Variants in OPHN1 observed in about 807,000 individuals in gnomAD.
The protein encoded by OPHN1 is oligophrenin-1.
Under a neutral mutation model 60.7 loss-of-function variants are expected in OPHN1, and 11 were observed. The ratio of observed to expected loss-of-function variants is 0.18; its 90% confidence interval spans 0.11 to 0.30. OPHN1 has a LOEUF of 0.30. Among genes scored for constraint, OPHN1 ranks in the 10% least tolerant of loss-of-function variants. The pLI is 1.00. For synonymous variants in OPHN1, 226 were observed against 222.6 expected, an observed-to-expected ratio of 1.02 and a Z score of -0.14; for missense variants, 449 against 611.0, an observed-to-expected ratio of 0.73 and a Z score of 2.80.
At chrX:68,192,848 T>C in intron 15 of OPHN1, 71 bp downstream of exon 15, 1 of 862,103 alleles carries the variant, frequency 1.2e-6, no homozygotes, top group East Asian at 3.1e-5. Context: ...GTGTCTCCTT[T>C]CTCTTCCAGT....
chrX:68,428,001 G>C (rs2078868102), intron 2 of OPHN1, among the ~76,000 whole-genome samples: 1 of 110,696 alleles, frequency 9.0e-6, no homozygotes, highest in Admixed American at 9.7e-5. Context: ...CATGGTGGCT[G>C]TAATCCAGCT....
intron 2 of OPHN1, among the ~76,000 whole-genome samples, chrX:68,427,212 T>A (rs2078864441): frequency 9.3e-6 from 1 of 108,004 alleles, no homozygotes; most frequent in African/African-American, 3.4e-5. Flanking sequence ...GAGGTTGCAG[T>A]GAGCCGAGAT....
intron 15 of OPHN1, among the ~76,000 whole-genome samples, chrX:68,162,745 T>C (rs1300211120): frequency 4.5e-5 from 5 of 111,246 alleles, no homozygotes; most frequent in Non-Finnish European, 7.6e-5. Context: ...AGGAATATGT[T>C]TTATATTGTA....
intron 19 of OPHN1, among the ~76,000 whole-genome samples, chrX:68,094,798 A>G (rs1002657435): frequency 9.0e-6 from 1 of 111,057 alleles, no homozygotes; most frequent in Non-Finnish European, 1.9e-5. Context: ...CTTTTGCTTA[A>G]TCCACTCTAG....
intron 2 of OPHN1, among the ~76,000 whole-genome samples, chrX:68,342,977 G>A (rs7878143): frequency 0.057 from 6,328 of 110,225 alleles, 461 homozygotes; most frequent in African/African-American, 0.2. Flanking sequence ...AAAGAAGAAC[G>A]AAGAAGAAGA....
At position 68,424,666 on chromosome X, in the gene OPHN1, A is replaced by G. The variant is rs910519060; in HGVS notation, c.154+8201T>C. On this transcript the variant is annotated intron_variant, in intron 2 of 24. Transcript: ENST00000355520. ...TGAGGCTGAAAGGTAAAGTTCCTTC[A>G]TCACTCTAGAGTCTGATTGGAAAAC... Among the ~76,000 whole-genome samples, 8 of 112,092 alleles carry G rather than the reference A, an allele frequency of 7.1e-5. No individual in the cohort carries two copies. In the Admixed American group the frequency reaches 7.6e-4, roughly 11 times the overall value.
chrX:68,144,816 TG>T (rs2077257200), intron 15 of OPHN1, among the ~76,000 whole-genome samples: 1 of 111,914 alleles, frequency 8.9e-6, no homozygotes, highest in South Asian at 3.7e-4. Context: ...TGTTTCAAGG[TG>T]CTAAGGATAC....
intron 5 of OPHN1, among the ~76,000 whole-genome samples, chrX:68,241,063 CTA>C (rs1334250725): frequency 1.8e-5 from 2 of 111,658 alleles, no homozygotes; most frequent in Non-Finnish European, 3.8e-5. Context: ...AAAACATACT[CTA>C]TGTGATATAG....
chrX:68,205,961 T>TGTGTGTGA (rs1156523883), intron 10 of OPHN1, among the ~76,000 whole-genome samples: 1 of 50,342 alleles, frequency 2.0e-5, no homozygotes, highest in Non-Finnish European at 4.3e-5. Context: ...TGTGTATCTG[T>TGTGTGTGA]GTGTGTGAGT....
At chrX:68,277,265 G>T (rs1258625085) in intron 4 of OPHN1, among the ~76,000 whole-genome samples, 1 of 111,189 alleles carries the variant, frequency 9.0e-6, no homozygotes, top group African/African-American at 3.3e-5. Flanking sequence ...GTTCACAACA[G>T]GGTTTGCTCC....
chrX:68,169,349 T>C (rs866391750), intron 15 of OPHN1, among the ~76,000 whole-genome samples: 7 of 111,302 alleles, frequency 6.3e-5, no homozygotes, highest in Middle Eastern at 4.6e-3. Context: ...AAAATGGCCA[T>C]ACTGCCCAAG....
chrX:68,138,870 G>A (rs780350154), intron 15 of OPHN1, among the ~76,000 whole-genome samples: 4 of 111,970 alleles, frequency 3.6e-5, no homozygotes, highest in African/African-American at 9.7e-5. Context: ...TATAGAGCCC[G>A]TGTACTTAAA....
chrX:68,193,932 A>T lies in OPHN1; in HGVS notation c.1159T>A (p.Phe387Ile). The T allele has an allele frequency of 8.3e-7, 1 of 1,208,344 alleles. No individual in the cohort carries two copies. Among genetic ancestry groups the T allele is most frequent in the Non-Finnish European group, 1.1e-6 (1 of 892,566 alleles). ...TTGATGCACTTCCTGACAAACTTGA[A>T]GCCCACTTCATTTAGCTCCACTGTT... ...QQEMELNEVG[F>I]KFVRKCINII... Residue 387 changes from phenylalanine to isoleucine, a missense_variant, in exon 14 of 25, where the codon TTC becomes ATC. Phe to Ile is a conservative substitution (Grantham distance 21). Transcript: ENST00000355520.
At chrX:68,097,503 C>T (rs921943102) in intron 18 of OPHN1, among the ~76,000 whole-genome samples, 5 of 111,435 alleles carry the variant, frequency 4.5e-5, no homozygotes, top group Non-Finnish European at 9.4e-5. Flanking sequence ...ATCATTAAGA[C>T]TTGCCCTTGA....
chrX:68,288,617 A>T (rs1318483198), intron 3 of OPHN1, among the ~76,000 whole-genome samples: 2 of 110,531 alleles, frequency 1.8e-5, no homozygotes, highest in Non-Finnish European at 3.8e-5. Flanking sequence ...TACAAAAATT[A>T]GCCGAGCGTG....
At chrX:68,115,664 G>A (rs2077123949) in intron 16 of OPHN1, among the ~76,000 whole-genome samples, 1 of 112,088 alleles carries the variant, frequency 8.9e-6, no homozygotes, top group African/African-American at 3.2e-5. Flanking sequence ...GGAGCAGAGG[G>A]GGTAAGAGTT....
intron 15 of OPHN1, among the ~76,000 whole-genome samples, chrX:68,124,133 G>A (rs776134147): frequency 9.0e-6 from 1 of 111,222 alleles, no homozygotes; most frequent in South Asian, 3.8e-4. Flanking sequence ...AACTGTAAGA[G>A]ACAAAGAAGA....
chrX:68,391,230 TC>T (rs2078652024), intron 2 of OPHN1, among the ~76,000 whole-genome samples: 1 of 111,873 alleles, frequency 8.9e-6, no homozygotes, highest in Non-Finnish European at 1.9e-5. Context: ...TATTATTCTA[TC>T]ACAGACATAA....
chrX:68,269,870 A>G (rs778762632), intron 5 of OPHN1, among the ~76,000 whole-genome samples: 1 of 112,112 alleles, frequency 8.9e-6, no homozygotes, highest in Non-Finnish European at 1.9e-5. Flanking sequence ...AGAATCTACA[A>G]TGAACTCAAA....
Sources: gnomAD v4.1 joint callset for allele counts (sites outside exome capture counted in the v4.1 genomes callset) on GRCh38, gnomAD v4.1.1 for gene constraint, MANE v1.5 for transcripts, NCBI Gene and HGNC (gene_info 2026-07-23, HGNC 2026-07-21) for gene names.